The following PTPRM variants were observed in gnomAD, a reference collection of about 807,000 sequenced individuals.
PTPRM encodes protein tyrosine phosphatase receptor type M.
PTPRM carries 47 observed loss-of-function variants against 186.7 expected under a neutral mutation model. The observed-to-expected ratio is 0.25, with a 90% CI of 0.20 to 0.32. The LOEUF (loss-of-function observed/expected upper bound fraction) is 0.32, where lower values mean the gene tolerates loss of function less well. Among genes scored for constraint, PTPRM ranks in the 10% least tolerant of loss-of-function variants. PTPRM has a pLI of 1.00. For synonymous variants in PTPRM, 668 were observed against 674.9 expected (o/e 0.99, Z 0.16); for missense variants, 1,494 against 1,865.0 (o/e 0.80, Z 3.66).
chr18:7,781,973 C>T (rs2042877529), intron 2 of PTPRM, among the ~76,000 whole-genome samples: 1 of 152,188 alleles, frequency 6.6e-6, no homozygotes, highest in African/African-American at 2.4e-5. Flanking sequence ...AGGTCTTACT[C>T]AGACCACCTT....
intron 2 of PTPRM, among the ~76,000 whole-genome samples, chr18:7,867,316 G>A (rs1474498347): frequency 6.6e-6 from 1 of 152,170 alleles, no homozygotes; most frequent in East Asian, 1.9e-4. Flanking sequence ...AATTTGCCAT[G>A]TTTTTGCAGT....
intron 2 of PTPRM, among the ~76,000 whole-genome samples, chr18:7,875,249 T>TGGGTAAATTG (rs1450405397): frequency 1.3e-5 from 2 of 151,462 alleles, no homozygotes. Context: ...TATCCCACAG[T>TGGGTAAATTG]GGGTAAATTG....
At chr18:7,720,936 A>G (rs144078305) in intron 1 of PTPRM, among the ~76,000 whole-genome samples, 18 of 152,230 alleles carry the variant, frequency 1.2e-4, no homozygotes, top group African/African-American at 4.3e-4. Context: ...TGCAATGAAC[A>G]TGGGTATACA....
intron 1 of PTPRM, among the ~76,000 whole-genome samples, chr18:7,665,534 G>A (rs184296859): frequency 3.3e-5 from 5 of 152,220 alleles, no homozygotes; most frequent in Non-Finnish European, 5.9e-5. Context: ...TCTGTCTTCT[G>A]GTGATTTTAT....
intron 1 of PTPRM, among the ~76,000 whole-genome samples, chr18:7,652,357 G>T (rs1408620790): frequency 6.6e-6 from 1 of 152,038 alleles, no homozygotes; most frequent in Non-Finnish European, 1.5e-5. Context: ...ATTCCTCAGG[G>T]ATCTAGAACC....
In PTPRM at chr18:8,204,435, A is replaced by G. The variant is rs77231505; in HGVS notation, c.2301-39623A>G. ...TCTGATAAGGTTTTATTAATGAAAT[A>G]TAAATAGAAGGAAGATTCGTTTTGA... On this transcript the variant is annotated intron_variant, in intron 14 of 32. Transcript: ENST00000580170. Among the ~76,000 whole-genome samples, 413 of 152,246 alleles carry G rather than the reference A, an allele frequency of 2.7e-3. 2 individuals carry two copies. Among genetic ancestry groups the G allele is most frequent in the African/African-American group, 9.5e-3 (394 of 41,536 alleles).
intron 13 of PTPRM, among the ~76,000 whole-genome samples, chr18:8,130,559 C>T (rs1197615085): frequency 6.6e-6 from 1 of 152,114 alleles, no homozygotes; most frequent in African/African-American, 2.4e-5. Flanking sequence ...TTGCAGTGGG[C>T]CACCTAAGAT....
chr18:8,347,873 A>C (rs2095513751), intron 23 of PTPRM, among the ~76,000 whole-genome samples: 1 of 152,142 alleles, frequency 6.6e-6, no homozygotes, highest in African/African-American at 2.4e-5. Context: ...AAGAGGCCCC[A>C]CCTCATTGCC....
intron 19 of PTPRM, among the ~76,000 whole-genome samples, chr18:8,280,438 A>G (rs957240653): frequency 4.0e-5 from 6 of 151,600 alleles, no homozygotes; most frequent in Non-Finnish European, 8.8e-5. Context: ...TCAGCCTGTG[A>G]CACTGAGAAA....
intron 14 of PTPRM, among the ~76,000 whole-genome samples, chr18:8,151,073 C>T (rs2092995372): frequency 6.6e-6 from 1 of 152,138 alleles, no homozygotes; most frequent in African/African-American, 2.4e-5. Flanking sequence ...TCGGCCCCTA[C>T]TGGGAGGTGT....
chr18:8,358,441 G>A (rs1394392806), intron 23 of PTPRM, among the ~76,000 whole-genome samples: 1 of 152,130 alleles, frequency 6.6e-6, no homozygotes, highest in African/African-American at 2.4e-5. Context: ...TTTCCTGTGG[G>A]GAAGACAGGA....
At chr18:8,113,374 T>G in intron 11 of PTPRM, 112 bp from the exon 12 acceptor site, 1 of 939,390 alleles carries the variant, frequency 1.1e-6, no homozygotes, top group Non-Finnish European at 1.6e-6. Context: ...TAGTATGGAC[T>G]GCGTCCAGTG....
At chr18:8,312,808 G>A (rs2095279429) in intron 20 of PTPRM, among the ~76,000 whole-genome samples, 1 of 152,022 alleles carries the variant, frequency 6.6e-6, no homozygotes, top group Non-Finnish European at 1.5e-5. Flanking sequence ...TCCTTCTCTG[G>A]CCCAGCTTGT....
chr18:7,854,495 A>G (rs908850045), intron 2 of PTPRM, among the ~76,000 whole-genome samples: 1 of 152,188 alleles, frequency 6.6e-6, no homozygotes, highest in African/African-American at 2.4e-5. Flanking sequence ...TTGAAACTCC[A>G]TTACAGATGG....
At chr18:8,181,078 T>C (rs1281722474) in intron 14 of PTPRM, among the ~76,000 whole-genome samples, 2 of 152,324 alleles carry the variant, frequency 1.3e-5, no homozygotes, top group African/African-American at 2.4e-5. Context: ...TATGGAGGCA[T>C]ACTCAAGCCA....
intron 14 of PTPRM, among the ~76,000 whole-genome samples, chr18:8,229,165 C>G (rs1413671543): frequency 6.6e-6 from 1 of 152,050 alleles, no homozygotes; most frequent in Non-Finnish European, 1.5e-5. Context: ...AGAATAAGAA[C>G]AAACAAATGT....
intron 1 of PTPRM, among the ~76,000 whole-genome samples, chr18:7,632,670 G>C (rs763514755): frequency 4.6e-5 from 7 of 152,136 alleles, no homozygotes; most frequent in African/African-American, 7.2e-5. Flanking sequence ...CCAGAAGTCT[G>C]GATAGGCTGC....
Position 7,683,006 on chromosome 18 carries a change from AC to A in PTPRM, c.74-91141del, listed in dbSNP as rs2039514210. On this transcript the variant is annotated intron_variant, in intron 1 of 32. Transcript: ENST00000580170. ...GAAGCTTGTTCCTTGTTTGCTTTTT[AC>A]CTGCTGCTGTGTAATGTTTAGCCCC... Among the ~76,000 whole-genome samples the A allele has an allele frequency of 4.6e-5, 7 of 152,188 alleles. No homozygotes were observed. In the South Asian group the frequency reaches 1.5e-3, roughly 32 times the overall value.
intron 22 of PTPRM, among the ~76,000 whole-genome samples, chr18:8,320,240 A>G (rs1264816028): frequency 2.6e-5 from 4 of 152,206 alleles, no homozygotes; most frequent in African/African-American, 7.2e-5. Flanking sequence ...GTGACAAGGG[A>G]ATCAACGATG....
Sources: allele counts gnomAD v4.1 joint callset (sites outside exome capture counted in the v4.1 genomes callset), GRCh38; gene constraint gnomAD v4.1.1; transcripts MANE v1.5; gene names NCBI Gene and HGNC (gene_info 2026-07-23, HGNC 2026-07-21).